Variants in MYH10 observed in about 807,000 individuals in gnomAD.
The protein encoded by MYH10 is myosin heavy chain 10.
MYH10 carries 55 observed loss-of-function variants against 257.8 expected under a neutral mutation model. The observed-to-expected ratio is 0.21, with a 90% CI of 0.17 to 0.27. The LOEUF (loss-of-function observed/expected upper bound fraction) is 0.27. Ranked by LOEUF, MYH10 falls within the 10% of genes least tolerant of loss-of-function variation. MYH10 has a pLI of 1.00. For missense variants in MYH10, 1,631 were observed against 2,500.6 expected, an observed-to-expected ratio of 0.65 and a Z score of 7.42; for synonymous variants, 854 against 921.7, an observed-to-expected ratio of 0.93 and a Z score of 1.33.
At chr17:8,620,582 T>C (rs1028881206) in intron 2 of MYH10, among the ~76,000 whole-genome samples, 1 of 152,178 alleles carries the variant, frequency 6.6e-6, no homozygotes, top group Non-Finnish European at 1.5e-5. Flanking sequence ...ATCTTATCTA[T>C]AGAAATATGT....
intron 7 of MYH10, among the ~76,000 whole-genome samples, chr17:8,568,784 G>C (rs891626800): frequency 6.6e-6 from 1 of 152,052 alleles, no homozygotes; most frequent in Non-Finnish European, 1.5e-5. Context: ...TTGAAGGTGA[G>C]CAGCTGGGGT....
chr17:8,574,491 T>C (rs1188004943), intron 6 of MYH10, among the ~76,000 whole-genome samples: 1 of 151,770 alleles, frequency 6.6e-6, no homozygotes, highest in Non-Finnish European at 1.5e-5. Flanking sequence ...AACACTAAAT[T>C]GTACACTTCC....
chr17:8,529,032 C>T (rs1487640754), intron 17 of MYH10, among the ~76,000 whole-genome samples: 1 of 152,162 alleles, frequency 6.6e-6, no homozygotes, highest in Non-Finnish European at 1.5e-5. Flanking sequence ...AATGAGCCAC[C>T]CCGCTGCTCA....
In MYH10 at chr17:8,504,118, G is replaced by A. The variant is rs2080996375; in HGVS notation, c.3599+576C>T. 6.6e-6 allele frequency among the ~76,000 whole-genome samples: 1 copy of A among 152,192 alleles called. No individual in the cohort carries two copies. Among genetic ancestry groups the A allele is most frequent in the African/African-American group, 2.4e-5 (1 of 41,448 alleles). On this transcript the variant is annotated intron_variant, in intron 28 of 42. Transcript: ENST00000360416. The surrounding 1 kb of genome is among the most constrained non-coding windows in gnomAD (Gnocchi z 5.6). ...CTACCCAGGAGCCTTCTCTGGCCAT[G>A]TTCACCTATGCTCGTCACTTTTTTC...
chr17:8,538,756 T>C (rs1208898754), intron 14 of MYH10, among the ~76,000 whole-genome samples: 2 of 152,214 alleles, frequency 1.3e-5, no homozygotes, highest in African/African-American at 4.8e-5. Flanking sequence ...TTCTACTCAT[T>C]GCCCGTCAGT....
At chr17:8,571,691 G>C (rs916821141) in intron 6 of MYH10, among the ~76,000 whole-genome samples, 1 of 151,986 alleles carries the variant, frequency 6.6e-6, no homozygotes, top group African/African-American at 2.4e-5. Context: ...CGAGGAGGCA[G>C]AGGTTGCAAT....
intron 2 of MYH10, among the ~76,000 whole-genome samples, chr17:8,615,445 A>C (rs2085219341): frequency 6.6e-6 from 1 of 152,222 alleles, no homozygotes. Flanking sequence ...AATTCATTTG[A>C]TATAACCAGC....
intron 6 of MYH10, among the ~76,000 whole-genome samples, chr17:8,574,203 A>C (rs570402726): frequency 7.9e-5 from 12 of 152,378 alleles, no homozygotes; most frequent in Non-Finnish European, 1.2e-4. Context: ...TTTGGCCATA[A>C]AAAGGAATGA....
chr17:8,600,822 G>C (rs1035022254), intron 3 of MYH10, among the ~76,000 whole-genome samples: 3 of 152,150 alleles, frequency 2.0e-5, no homozygotes, highest in African/African-American at 7.2e-5. Flanking sequence ...CATAGGATTT[G>C]AGTGATGGAG....
intron 17 of MYH10, among the ~76,000 whole-genome samples, chr17:8,524,962 G>T (rs553783870): frequency 2.0e-5 from 3 of 152,250 alleles, no homozygotes; most frequent in African/African-American, 7.2e-5. Context: ...TCCTCCTCTT[G>T]AAATGGAGCT....
At chr17:8,548,167 C>G in intron 11 of MYH10, 146 bp downstream of exon 11, 1 of 584,394 alleles carries the variant, frequency 1.7e-6, no homozygotes, top group Middle Eastern at 2.6e-4. Flanking sequence ...CAGAGGAACC[C>G]TCGTGTAAAT....
intron 3 of MYH10, among the ~76,000 whole-genome samples, chr17:8,591,583 G>C (rs574754961): frequency 6.6e-6 from 1 of 152,062 alleles, no homozygotes; most frequent in Non-Finnish European, 1.5e-5. Context: ...AGTTGTTTAT[G>C]GTTTTTCGAA....
chr17:8,603,506 C>A (rs1473204306), intron 3 of MYH10, among the ~76,000 whole-genome samples: 1 of 152,316 alleles, frequency 6.6e-6, no homozygotes, highest in East Asian at 1.9e-4. Flanking sequence ...AGAGGGTCAA[C>A]AATCTCAATT....
chr17:8,509,988 A>G, intron 24 of MYH10, 39 bp from the exon 25 acceptor site: 1 of 1,537,078 alleles, frequency 6.5e-7, no homozygotes, highest in South Asian at 1.2e-5. Context: ...CACTTTCTCG[A>G]GATTTGACCA....
chr17:8,544,238 G>A (rs2082378512), intron 13 of MYH10, among the ~76,000 whole-genome samples: 1 of 151,990 alleles, frequency 6.6e-6, no homozygotes, highest in African/African-American at 2.4e-5. Flanking sequence ...CTACATAAAT[G>A]TCACATTTTC....
intron 3 of MYH10, among the ~76,000 whole-genome samples, chr17:8,598,119 C>T (rs1405374559): frequency 6.6e-6 from 1 of 152,158 alleles, no homozygotes; most frequent in Non-Finnish European, 1.5e-5. Flanking sequence ...GTAGCTGGGA[C>T]TACAGTCGCA....
At chr17:8,487,005 T>C (rs1302486740) in intron 36 of MYH10, among the ~76,000 whole-genome samples, 1 of 152,218 alleles carries the variant, frequency 6.6e-6, no homozygotes, top group Non-Finnish European at 1.5e-5. Context: ...CCTGCCTGCC[T>C]GCTCACACCA....
intron 4 of MYH10, among the ~76,000 whole-genome samples, chr17:8,580,432 A>C (rs2083661903): frequency 6.6e-6 from 1 of 151,164 alleles, no homozygotes; most frequent in African/African-American, 2.4e-5. Context: ...TGATGTCTTC[A>C]TCCCTGTGTC....
intron 3 of MYH10, among the ~76,000 whole-genome samples, chr17:8,600,104 T>A (rs1420096090): frequency 1.3e-5 from 2 of 152,224 alleles, no homozygotes; most frequent in African/African-American, 2.4e-5. Flanking sequence ...GTGGTATTTA[T>A]CTGTTCCATT....
Sources: gnomAD v4.1 joint callset for allele counts (sites outside exome capture counted in the v4.1 genomes callset) on GRCh38, gnomAD v4.1.1 for gene constraint, Gnocchi (gnomAD v3.1) non-coding constraint, MANE v1.5 for transcripts, NCBI Gene and HGNC (gene_info 2026-07-23, HGNC 2026-07-21) for gene names.